Variants in PCDH15 observed in about 807,000 individuals in gnomAD.
The protein encoded by PCDH15 is protocadherin-15.
A neutral mutation model predicts 178.5 loss-of-function variants in PCDH15; 129 were observed. The observed-to-expected ratio is 0.72, with a 90% CI of 0.63 to 0.84. The LOEUF (loss-of-function observed/expected upper bound fraction) is 0.84, where lower values mean the gene tolerates loss of function less well. PCDH15 is among the 40% of genes least tolerant of loss of function. The probability of loss-of-function intolerance (pLI) is 0.00; values close to 1 mark genes in which losing one functional copy is unlikely to be tolerated. For synonymous variants in PCDH15, 800 were observed against 732.0 expected (o/e 1.09, Z -1.50); for missense variants, 2,230 against 2,099.9 (o/e 1.06, Z -1.21).
At chr10:54,149,358 G>T (rs879385137) in intron 14 of PCDH15, among the ~76,000 whole-genome samples, 2 of 152,024 alleles carry the variant, frequency 1.3e-5, no homozygotes, top group African/African-American at 2.4e-5. Context: ...TGTAATAAAT[G>T]GTTTGTTGGG....
intron 2 of PCDH15, among the ~76,000 whole-genome samples, chr10:55,471,176 T>G (rs1013533609): frequency 2.6e-5 from 4 of 152,330 alleles, no homozygotes; most frequent in Middle Eastern, 6.8e-3. Context: ...TATGTTTTAA[T>G]AGCTCATACT....
At chr10:54,101,673 A>C (rs2094814573) in intron 15 of PCDH15, among the ~76,000 whole-genome samples, 1 of 152,162 alleles carries the variant, frequency 6.6e-6, no homozygotes. Context: ...AAACCTTAAA[A>C]ATTAAAGTCT....
intron 2 of PCDH15, chr10:54,599,581 C>A: frequency 3.5e-6 from 1 of 289,162 alleles, no homozygotes. Context: ...CAATACTATT[C>A]TGAACATAAG....
chr10:55,046,168 C>T (rs1413743673), intron 2 of PCDH15, among the ~76,000 whole-genome samples: 5 of 151,932 alleles, frequency 3.3e-5, no homozygotes, highest in East Asian at 3.9e-4. Context: ...AATTACAAAT[C>T]GTCGTTTTCA....
At chr10:55,132,670 T>C (rs796472296) in intron 2 of PCDH15, among the ~76,000 whole-genome samples, 1 of 152,320 alleles carries the variant, frequency 6.6e-6, no homozygotes, top group African/African-American at 2.4e-5. Context: ...CAAATCCAAG[T>C]ATTTTATGTA....
intron 2 of PCDH15, among the ~76,000 whole-genome samples, chr10:55,468,813 C>T (rs1427551894): frequency 6.6e-6 from 1 of 152,066 alleles, no homozygotes; most frequent in Non-Finnish European, 1.5e-5. Context: ...GAAAAACATT[C>T]TACCCTGAAC....
chr10:55,504,727 C>G (rs1840725752), intron 2 of PCDH15, among the ~76,000 whole-genome samples: 1 of 151,222 alleles, frequency 6.6e-6, no homozygotes, highest in Admixed American at 6.6e-5. Context: ...GTAATATTTT[C>G]ATATTATACT....
chr10:54,324,805 T>G (rs911812591), intron 7 of PCDH15, among the ~76,000 whole-genome samples: 10 of 152,008 alleles, frequency 6.6e-5, no homozygotes, highest in African/African-American at 2.4e-4. Context: ...AATATAAACT[T>G]TTTTCTTTCT....
chr10:53,905,189 T>A (rs774813795), intron 25 of PCDH15: 2 of 518,860 alleles, frequency 3.9e-6, no homozygotes, highest in Non-Finnish European at 7.7e-6. Context: ...TGTTGTTGTC[T>A]CACCTGAGTG....
At chr10:55,519,498 T>A (rs747397394) in intron 2 of PCDH15, among the ~76,000 whole-genome samples, 9 of 152,094 alleles carry the variant, frequency 5.9e-5, no homozygotes, top group Non-Finnish European at 1.2e-4. Context: ...GCATCTTGAC[T>A]GTATCAAAGT....
chr10:54,678,561 T>G (rs61047154), intron 1 of PCDH15, among the ~76,000 whole-genome samples: 3,555 of 152,162 alleles, frequency 0.023, 144 homozygotes, highest in African/African-American at 0.079. Flanking sequence ...AAACAAATTT[T>G]AAAAACAAAA....
At chr10:55,351,028 T>C (rs1230760861) in intron 2 of PCDH15, among the ~76,000 whole-genome samples, 3 of 87,010 alleles carry the variant, frequency 3.4e-5, no homozygotes, top group Non-Finnish European at 6.3e-5. Context: ...CCCTGCTTCC[T>C]CCCCCTCTCC....
chr10:54,158,414 C>A (rs1022104725), intron 13 of PCDH15, among the ~76,000 whole-genome samples: 2 of 152,104 alleles, frequency 1.3e-5, no homozygotes, highest in African/African-American at 4.8e-5. Flanking sequence ...GAAAATCTTG[C>A]CCCCATGATT....
At chr10:55,607,033 A>G (rs2132154081) in intron 2 of PCDH15, among the ~76,000 whole-genome samples, 1 of 152,170 alleles carries the variant, frequency 6.6e-6, no homozygotes, top group African/African-American at 2.4e-5. Flanking sequence ...TCTACAATGA[A>G]CTCAAACAAA....
chr10:53,827,606 A>G (rs1021240511), intron 31 of PCDH15, 58 bp from the exon 32 acceptor site: 1 of 1,599,458 alleles, frequency 6.3e-7, no homozygotes, highest in African/African-American at 1.3e-5. Context: ...ATGCTTATCA[A>G]TAAGCCACCT....
At chr10:54,549,951 C>T (rs796651389) in intron 2 of PCDH15, among the ~76,000 whole-genome samples, 4 of 152,020 alleles carry the variant, frequency 2.6e-5, no homozygotes, top group African/African-American at 7.2e-5. Context: ...TGTATTTTTG[C>T]CTTAATGCTT....
At chr10:55,256,055 T>C (rs1303765909) in intron 1 of PCDH15, among the ~76,000 whole-genome samples, 1 of 152,038 alleles carries the variant, frequency 6.6e-6, no homozygotes, top group East Asian at 1.9e-4. Flanking sequence ...ATTGCCTAGG[T>C]TTTCTTCTAG....
chr10:55,114,993 A>C (rs557447947), intron 2 of PCDH15, among the ~76,000 whole-genome samples: 1 of 152,350 alleles, frequency 6.6e-6, no homozygotes, highest in Admixed American at 6.5e-5. Context: ...ATTGGCAATA[A>C]TGAAATAGTT....
intron 2 of PCDH15, among the ~76,000 whole-genome samples, chr10:54,930,054 A>C (rs948787943): frequency 4.6e-5 from 7 of 152,190 alleles, no homozygotes; most frequent in Admixed American, 1.3e-4. Context: ...AGCACAGGTG[A>C]ATGCTGGCAG....
Sources: gnomAD v4.1 joint callset for allele counts (sites outside exome capture counted in the v4.1 genomes callset) on GRCh38, gnomAD v4.1.1 for gene constraint, MANE v1.5 for transcripts, NCBI Gene and HGNC (gene_info 2026-07-23, HGNC 2026-07-21) for gene names.